The following KCNIP3 variants were observed in gnomAD, a reference collection of about 807,000 sequenced individuals.
KCNIP3 encodes the protein calsenilin.
KCNIP3 carries 28 observed loss-of-function variants against 35.0 expected under a neutral mutation model. The observed-to-expected ratio is 0.80, with a 90% CI of 0.59 to 1.10. The LOEUF is 1.10. Among genes scored for constraint, KCNIP3 ranks in the 50% least tolerant of loss-of-function variants. The pLI, the probability that KCNIP3 is intolerant of heterozygous loss-of-function variation, is 0.00. For synonymous variants in KCNIP3, 134 were observed against 133.8 expected (o/e 1.00, Z -0.01); for missense variants, 295 against 338.4 (o/e 0.87, Z 1.01).
chr2:95,347,262 T>A (rs1558770155), intron 2 of KCNIP3: 3 of 710,056 alleles, frequency 4.2e-6, no homozygotes, highest in Non-Finnish European at 7.1e-6. Flanking sequence ...CTCCGGAGGG[T>A]TGGGCCTGGG....
chr2:95,341,139 T>C (rs1337978662), intron 2 of KCNIP3, among the ~76,000 whole-genome samples: 1 of 152,196 alleles, frequency 6.6e-6, no homozygotes, highest in Non-Finnish European at 1.5e-5. Context: ...GACTGGATCA[T>C]GGCGTTGTTT....
At chr2:95,337,533 A>G (rs1173570197) in intron 2 of KCNIP3, among the ~76,000 whole-genome samples, 1 of 152,232 alleles carries the variant, frequency 6.6e-6, no homozygotes, top group African/African-American at 2.4e-5. Context: ...TTTCTCTGCC[A>G]TAACAGTTGA....
chr2:95,374,520 A>C (rs568420456), intron 3 of KCNIP3, 100 bp downstream of exon 3: 2 of 1,426,724 alleles, frequency 1.4e-6, no homozygotes, highest in African/African-American at 2.9e-5. Context: ...GGGGCCTTTA[A>C]GGGGCTTATG....
intron 2 of KCNIP3, among the ~76,000 whole-genome samples, chr2:95,315,882 C>T (rs961661444): frequency 6.6e-6 from 1 of 152,222 alleles, no homozygotes; most frequent in Non-Finnish European, 1.5e-5. Context: ...CCTCGGGCCC[C>T]ATCCACAGCA....
chr2:95,347,849 T>C (rs1309996993), intron 2 of KCNIP3, among the ~76,000 whole-genome samples: 1 of 152,200 alleles, frequency 6.6e-6, no homozygotes, highest in Non-Finnish European at 1.5e-5. Context: ...TCCGAGGACA[T>C]GGGCATCCTG....
At chr2:95,344,396 G>A (rs951105173) in intron 2 of KCNIP3, among the ~76,000 whole-genome samples, 2 of 152,334 alleles carry the variant, frequency 1.3e-5, no homozygotes, top group Admixed American at 1.3e-4. Flanking sequence ...GAGTGAGCCT[G>A]GGAGTCAGCT....
intron 2 of KCNIP3, among the ~76,000 whole-genome samples, chr2:95,330,368 G>C (rs1166658309): frequency 1.3e-5 from 2 of 152,200 alleles, no homozygotes; most frequent in African/African-American, 4.8e-5. Flanking sequence ...CTGCTCCCCA[G>C]TGGCCTCTGA....
At chr2:95,383,571 G>A (rs1680404536) in intron 8 of KCNIP3, among the ~76,000 whole-genome samples, 1 of 152,126 alleles carries the variant, frequency 6.6e-6, no homozygotes, top group African/African-American at 2.4e-5. Context: ...TCAAGTTAGG[G>A]GCAGACATGG....
intron 8 of KCNIP3, 97 bp downstream of exon 8, chr2:95,383,391 C>A: frequency 8.3e-7 from 1 of 1,211,268 alleles, no homozygotes; most frequent in Non-Finnish European, 1.2e-6. Context: ...CCAGTCCCAC[C>A]CCTGCCAGTC....
chr2:95,383,928 C>A lies in KCNIP3; in HGVS notation c.724-74C>A, dbSNP rs372807043. 2.3e-6 allele frequency: 3 copies of A among 1,294,294 alleles called. No homozygotes were observed. In the African/African-American group the frequency reaches 4.4e-5, roughly 19 times the overall value. 80.2% of individuals were successfully genotyped at this position (1,294,294 alleles called of 1,614,324 possible). ...GTCGCTGCAGGCTCCGAGTCCCTGG[C>A]GGGAATCTGCTCAAGGGGGTCGGAT... On this transcript the variant is annotated intron_variant, in intron 8 of 8. Transcript: ENST00000295225.
intron 1 of KCNIP3, among the ~76,000 whole-genome samples, chr2:95,300,137 G>A (rs1014718168): frequency 2.6e-5 from 4 of 152,224 alleles, no homozygotes; most frequent in Non-Finnish European, 5.9e-5. Flanking sequence ...TGGCAGAGGA[G>A]GGGCCCATCC....
At position 95,382,232 on chromosome 2, in the gene KCNIP3, C is replaced by T. The variant is rs1376655662; in HGVS notation, c.556-145C>T. ...AAGCTCGCTCTGGGTGCCCTGGAAG[C>T]GGACAGGCTTCTCTCTCCAGCTCGT... On this transcript the variant is annotated intron_variant, in intron 6 of 8. Coordinates refer to ENST00000295225, the MANE Select transcript of KCNIP3 (RefSeq NM_013434.5). This position sits in a 1 kb window ranked among gnomAD's most constrained non-coding sequence, Gnocchi z 4.5. The T allele has an allele frequency of 3.1e-5, 15 of 480,900 alleles. No individual in the cohort carries two copies. The East Asian group carries it at 3.4e-4, about 11-fold the overall frequency. 29.8% of individuals were successfully genotyped at this position (480,900 alleles called of 1,614,324 possible).
At chr2:95,345,952 C>T (rs925638376) in intron 2 of KCNIP3, among the ~76,000 whole-genome samples, 34 of 152,252 alleles carry the variant, frequency 2.2e-4, no homozygotes, top group African/African-American at 8.0e-4. Flanking sequence ...GGGCGTCTCC[C>T]CCTCTCTGCG....
intron 2 of KCNIP3, among the ~76,000 whole-genome samples, chr2:95,314,805 C>T (rs766539882): frequency 2.6e-5 from 4 of 152,248 alleles, no homozygotes; most frequent in African/African-American, 9.6e-5. Context: ...TGGTGAGGAG[C>T]AGCAGAGGTG....
chr2:95,371,928 C>T (rs182757087), intron 2 of KCNIP3, among the ~76,000 whole-genome samples: 21 of 151,952 alleles, frequency 1.4e-4, no homozygotes, highest in Admixed American at 1.2e-3. Context: ...CCTCAGCCTC[C>T]TGAGTAGCTG....
intron 1 of KCNIP3, among the ~76,000 whole-genome samples, chr2:95,301,638 C>T (rs1434000724): frequency 6.6e-6 from 1 of 152,230 alleles, no homozygotes; most frequent in Non-Finnish European, 1.5e-5. Context: ...AAGGGAATAC[C>T]TATGCCATCC....
chr2:95,311,521 C>T (rs1182089900), intron 2 of KCNIP3: 1 of 152,236 alleles, frequency 6.6e-6, no homozygotes, highest in Admixed American at 6.5e-5. Flanking sequence ...GGGGTCCCAG[C>T]CTCCTAGGCT....
In KCNIP3 at chr2:95,308,190, G is replaced by A. The variant is rs560585990; in HGVS notation, c.16-2165G>A. Among the ~76,000 whole-genome samples, 60 of 152,316 alleles carry A rather than the reference G, an allele frequency of 3.9e-4. 1 individual carries two copies. The South Asian group carries it at 0.011, about 28-fold the overall frequency. On this transcript the variant is annotated intron_variant, in intron 1 of 8. Coordinates refer to ENST00000295225, the MANE Select transcript of KCNIP3 (RefSeq NM_013434.5). ...GCTTCCCTCAGCACCCCAGGCACCC[G>A]TCCACCCCCAGCTCTCCCCCTGTTT... is the stretch of plus-strand genomic sequence containing the variant.
chr2:95,326,094 T>C (rs369061239), intron 2 of KCNIP3, among the ~76,000 whole-genome samples: 4 of 58,640 alleles, frequency 6.8e-5, no homozygotes, highest in South Asian at 4.3e-4. Flanking sequence ...CATATACACA[T>C]ACACACATAT....
Sources: allele counts gnomAD v4.1 joint callset (sites outside exome capture counted in the v4.1 genomes callset), GRCh38; gene constraint gnomAD v4.1.1; non-coding constraint Gnocchi (gnomAD v3.1); transcripts MANE v1.5; gene names NCBI Gene and HGNC (gene_info 2026-07-23, HGNC 2026-07-21).